CHD1: variants seen among roughly 807,000 people sequenced by gnomAD.
CHD1 encodes chromodomain helicase DNA binding protein 1, also known as ATP-dependent chromatin remodeler CHD1.
A neutral mutation model predicts 224.2 loss-of-function variants in CHD1; 36 were observed. The observed-to-expected ratio is 0.16, with a 90% confidence interval of 0.12 to 0.21. The LOEUF is 0.21. Among genes scored for constraint, CHD1 ranks in the 10% least tolerant of loss-of-function variants. The probability of loss-of-function intolerance (pLI) is 1.00; values close to 1 mark genes in which losing one functional copy is unlikely to be tolerated. For synonymous variants in CHD1, 668 were observed against 658.3 expected (o/e 1.01, Z -0.23); for missense variants, 1,378 against 1,994.8 (o/e 0.69, Z 5.89).
chr5:98,898,869 A>C (rs759900340), intron 8 of CHD1, 105 bp from the exon 9 acceptor site: 15 of 690,934 alleles, frequency 2.2e-5, no homozygotes, highest in Non-Finnish European at 3.6e-5. Flanking sequence ...CCATTTTGCC[A>C]CTGTGTGGGC....
At chr5:98,858,664 CATT>C in intron 34 of CHD1, 1 of 423,804 alleles carries the variant, frequency 2.4e-6, no homozygotes, top group South Asian at 4.8e-5. Context: ...AGAAAGAATG[CATT>C]ACTATTCCAA....
rs202064808 is a variant in CHD1, at chr5:98,858,949, G to A, written c.4576+15C>T. The A allele has an allele frequency of 1.3e-6, 2 of 1,497,980 alleles. No individual in the cohort carries two copies. The highest frequency in any genetic ancestry group is 1.4e-5 in the South Asian group (1 of 70,188). 92.8% of individuals were successfully genotyped at this position (1,497,980 alleles called of 1,614,324 possible). On this transcript the variant is annotated intron_variant, in intron 34 of 35. Transcript: ENST00000614616. The stretch of plus-strand genomic sequence containing the variant: ...TTTTTTTAATTTATTTTCCCAATCA[G>A]TAAGGCTTACATACCTGGATTTCTA...
chr5:98,924,324 G>T (rs1411228259), intron 2 of CHD1, among the ~76,000 whole-genome samples: 1 of 152,204 alleles, frequency 6.6e-6, no homozygotes, highest in East Asian at 1.9e-4. Context: ...ATAGTCAGTA[G>T]TCAACATACC....
At chr5:98,862,515 A>G (rs1748557803) in intron 32 of CHD1, among the ~76,000 whole-genome samples, 1 of 152,144 alleles carries the variant, frequency 6.6e-6, no homozygotes, top group Non-Finnish European at 1.5e-5. Context: ...AATGGTACCT[A>G]TTTGTATTAG....
At chr5:98,890,967 T>C (rs1241278057) in intron 15 of CHD1, among the ~76,000 whole-genome samples, 1 of 152,138 alleles carries the variant, frequency 6.6e-6, no homozygotes, top group African/African-American at 2.4e-5. Flanking sequence ...CGTAAAAAAA[T>C]TTTTTGAGAC....
Position 98,873,653 on chromosome 5 carries a change from A to G in CHD1, c.3511T>C (p.Leu1171=). 1.9e-6 allele frequency: 3 copies of G among 1,610,706 alleles called. No homozygotes were observed. The highest frequency in any genetic ancestry group is 1.7e-6 in the Non-Finnish European group (2 of 1,178,614). Residue 1171 remains leucine, a synonymous_variant, in exon 26 of 36, where the codon TTG becomes CTG. Transcript: ENST00000614616. ...SETDLRRLGE[L]VHNGCIKALK... ...GCTTTAATGCAACCATTATGTACCA[A>G]TTCTCCCAGTCGTCTAAGGTCTGTT...
At chr5:98,884,824 A>G (rs1165426527) in intron 18 of CHD1, among the ~76,000 whole-genome samples, 1 of 150,262 alleles carries the variant, frequency 6.7e-6, no homozygotes, top group Non-Finnish European at 1.5e-5. Context: ...TAAGTGATCC[A>G]CTCAACTCAG....
intron 19 of CHD1, among the ~76,000 whole-genome samples, chr5:98,882,375 A>C (rs1750254835): frequency 6.7e-6 from 1 of 148,338 alleles, no homozygotes; most frequent in Admixed American, 6.7e-5. Flanking sequence ...TTTTTTTTAA[A>C]GGAATGACAG....
Position 98,899,650 on chromosome 5 carries a change from T to C in CHD1, c.915A>G (p.Ala305=), listed in dbSNP as rs1277694452. The C allele has an allele frequency of 6.2e-7, 1 of 1,613,856 alleles. No individual in the cohort carries two copies. Among genetic ancestry groups the C allele is most frequent in the Non-Finnish European group, 8.5e-7 (1 of 1,179,996 alleles). Residue 305 remains alanine (A), a synonymous_variant, in exon 8 of 36, where the codon GCA becomes GCG. Coordinates refer to ENST00000614616, the MANE Select transcript of CHD1 (RefSeq NM_001270.4). ...CTGGTTCTTTGTTTTTTTCAAAGCC[T>C]GCATTTGGGTCACCATCTGCTTCAA... ...YAVEADGDPN[A]GFEKNKEPGE...
intron 5 of CHD1, 83 bp downstream of exon 5, chr5:98,902,817 G>A: frequency 2.4e-6 from 2 of 841,118 alleles, no homozygotes; most frequent in Non-Finnish European, 3.7e-6. Context: ...GTCTCCTTTT[G>A]GCAACAATTT....
At chr5:98,891,319 T>C (rs1580443455) in intron 15 of CHD1, among the ~76,000 whole-genome samples, 1 of 152,134 alleles carries the variant, frequency 6.6e-6, no homozygotes, top group African/African-American at 2.4e-5. Flanking sequence ...TCAAGTGATC[T>C]GTCTGCCTCA....
At chr5:98,918,406 T>C (rs564129476) in intron 2 of CHD1, among the ~76,000 whole-genome samples, 1 of 151,878 alleles carries the variant, frequency 6.6e-6, no homozygotes, top group South Asian at 2.1e-4. Context: ...ACTGCAAAGC[T>C]AGATGTCAAA....
At chr5:98,912,001 A>C (rs1489235268) in intron 2 of CHD1, among the ~76,000 whole-genome samples, 1 of 152,178 alleles carries the variant, frequency 6.6e-6, no homozygotes, top group East Asian at 1.9e-4. Flanking sequence ...GCCTTGAGTA[A>C]AAGAATACTT....
chr5:98,883,936 G>A, intron 18 of CHD1: 1 of 131,942 alleles, frequency 7.6e-6, no homozygotes, highest in Non-Finnish European at 1.5e-5. Flanking sequence ...CCACCTCCTA[G>A]GTTCAAGCAA....
rs572354349 is a variant in CHD1, at chr5:98,866,884, G to T, written c.4248+1611C>A. Among the ~76,000 whole-genome samples the T allele has an allele frequency of 1.2e-3, 184 of 151,966 alleles. 2 individuals carry two copies. The highest frequency in any genetic ancestry group is 2.3e-3 in the Non-Finnish European group (156 of 67,974). On this transcript the variant is annotated intron_variant, in intron 31 of 35. Transcript: ENST00000614616. ...TCTCTAACATTATTATTTCTTCCTGGTTTTGCTCTGCAATTGGACTTTTTA... is the reference window on the plus strand; with the variant it reads ...TCTCTAACATTATTATTTCTTCCTGTTTTTGCTCTGCAATTGGACTTTTTA...
chr5:98,903,567 A>G (rs1488475911), intron 4 of CHD1, among the ~76,000 whole-genome samples: 1 of 152,224 alleles, frequency 6.6e-6, no homozygotes, highest in Non-Finnish European at 1.5e-5. Context: ...TGCTGTAATG[A>G]GCAAATGCAC....
intron 11 of CHD1, 73 bp downstream of exon 11, chr5:98,897,120 A>C (rs1406686095): frequency 7.0e-7 from 1 of 1,421,336 alleles, no homozygotes; most frequent in Non-Finnish European, 9.8e-7. Context: ...ATGTAAATGG[A>C]AATCTTTTCT....
intron 2 of CHD1, among the ~76,000 whole-genome samples, chr5:98,913,985 A>G (rs1224694303): frequency 3.9e-5 from 6 of 152,074 alleles, no homozygotes; most frequent in East Asian, 1.9e-4. Context: ...CTATCCACCC[A>G]GTATCTATTT....
Position 98,888,130 on chromosome 5 carries a change from A to G in CHD1, c.2454T>C (p.Asp818=). 1.9e-6 allele frequency: 3 copies of G among 1,606,522 alleles called. No homozygotes were observed. In the South Asian group the frequency reaches 3.3e-5, roughly 18 times the overall value. The change falls in exon 17 of 36, where the codon GAT becomes GAC. Residue 818 remains aspartate (D), a synonymous_variant. Coordinates refer to ENST00000614616, the MANE Select transcript of CHD1 (RefSeq NM_001270.4). ...GATATTTCAAATATTCTGCAAGTATATCTAACATCCGCACCATTTGTGAAA... is the reference window on the plus strand; with the variant it reads ...GATATTTCAAATATTCTGCAAGTATGTCTAACATCCGCACCATTTGTGAAA... ...LIFSQMVRML[D]ILAEYLKYRQ...
Sources: gnomAD v4.1 joint callset for allele counts (sites outside exome capture counted in the v4.1 genomes callset) on GRCh38, gnomAD v4.1.1 for gene constraint, MANE v1.5 for transcripts, NCBI Gene and HGNC (gene_info 2026-07-23, HGNC 2026-07-21) for gene names.